The following SLC24A3 variants were observed in gnomAD, a reference collection of about 807,000 sequenced individuals.
SLC24A3 encodes sodium/potassium/calcium exchanger 3.
A neutral mutation model predicts 75.8 loss-of-function variants in SLC24A3; 28 were observed. The observed-to-expected ratio is 0.37, with a 90% CI of 0.27 to 0.51. SLC24A3 has a LOEUF of 0.51. Ranked by LOEUF, SLC24A3 falls within the 20% of genes least tolerant of loss-of-function variation. The pLI is 0.94. For synonymous variants in SLC24A3, 372 were observed against 334.1 expected (o/e 1.11, Z -1.24); for missense variants, 663 against 847.8 (o/e 0.78, Z 2.71).
chr20:19,706,571 C>T (rs941489266), intron 15 of SLC24A3, among the ~76,000 whole-genome samples: 1 of 151,954 alleles, frequency 6.6e-6, no homozygotes, highest in Admixed American at 6.6e-5. Context: ...CTGAAGCACC[C>T]AAGGGCTGCT....
chr20:19,563,389 G>T (rs1159579433), intron 3 of SLC24A3, among the ~76,000 whole-genome samples: 4 of 152,110 alleles, frequency 2.6e-5, no homozygotes, highest in South Asian at 2.1e-4. Flanking sequence ...AAACTTGAAA[G>T]AAAATAACAA....
chr20:19,289,116 T>G (rs1983880543), intron 2 of SLC24A3, among the ~76,000 whole-genome samples: 1 of 152,128 alleles, frequency 6.6e-6, no homozygotes, highest in South Asian at 2.1e-4. Context: ...GTGGTGCCTG[T>G]GCCATATTGC....
intron 2 of SLC24A3, among the ~76,000 whole-genome samples, chr20:19,406,670 G>A (rs1243718640): frequency 1.3e-5 from 2 of 152,140 alleles, no homozygotes; most frequent in Non-Finnish European, 1.5e-5. Context: ...CAGACTGAAA[G>A]GTAGCACAGA....
At chr20:19,472,019 T>C (rs1987882282) in intron 2 of SLC24A3, among the ~76,000 whole-genome samples, 1 of 152,242 alleles carries the variant, frequency 6.6e-6, no homozygotes, top group South Asian at 2.1e-4. Flanking sequence ...AATTATTCAA[T>C]TTTTGCAAAT....
intron 1 of SLC24A3, among the ~76,000 whole-genome samples, chr20:19,267,215 G>T (rs187662958): frequency 6.6e-6 from 1 of 152,074 alleles, no homozygotes; most frequent in Admixed American, 6.6e-5. Context: ...TCCATACTTT[G>T]AGATACAGCT....
At chr20:19,273,158 G>A (rs1212775961) in intron 1 of SLC24A3, among the ~76,000 whole-genome samples, 3 of 152,192 alleles carry the variant, frequency 2.0e-5, no homozygotes, top group African/African-American at 7.2e-5. Context: ...GGCCACCCTT[G>A]CCAGGGGCTC....
rs201968114 is a variant in SLC24A3, at chr20:19,522,596, C to T, written c.348+7032C>T. 1.9e-4 allele frequency among the ~76,000 whole-genome samples: 29 copies of T among 152,334 alleles called. No homozygotes were observed. In the East Asian group the frequency reaches 2.5e-3, roughly 13 times the overall value. ...TCTTCACCGTCTCTTCCCCCGCAAACGCCACCAAAGGCAGCTCAGCTGTGC... is the reference window on the plus strand; with the variant it reads ...TCTTCACCGTCTCTTCCCCCGCAAATGCCACCAAAGGCAGCTCAGCTGTGC... On this transcript the variant is annotated intron_variant, in intron 3 of 16. Transcript: ENST00000328041.
intron 2 of SLC24A3, among the ~76,000 whole-genome samples, chr20:19,338,072 G>A (rs993292013): frequency 1.3e-5 from 2 of 151,960 alleles, no homozygotes; most frequent in Non-Finnish European, 2.9e-5. Flanking sequence ...GGAGAACTGG[G>A]AAGAAAAAAA....
At chr20:19,385,406 C>T (rs1161511625) in intron 2 of SLC24A3, among the ~76,000 whole-genome samples, 3 of 152,194 alleles carry the variant, frequency 2.0e-5, no homozygotes, top group Non-Finnish European at 2.9e-5. Context: ...GTTCTTTCCC[C>T]GTTGTGTGTT....
At chr20:19,403,088 G>C (rs1196841345) in intron 2 of SLC24A3, among the ~76,000 whole-genome samples, 2 of 152,194 alleles carry the variant, frequency 1.3e-5, no homozygotes, top group African/African-American at 4.8e-5. Flanking sequence ...ATGTCGTGAA[G>C]GAGCCACTGG....
chr20:19,530,466 T>C (rs1600268249), intron 3 of SLC24A3, among the ~76,000 whole-genome samples: 1 of 152,286 alleles, frequency 6.6e-6, no homozygotes, highest in Non-Finnish European at 1.5e-5. Context: ...TTGATTTCCA[T>C]GACAGCTCAA....
chr20:19,524,114 G>T (rs769134996), intron 3 of SLC24A3, among the ~76,000 whole-genome samples: 1 of 152,040 alleles, frequency 6.6e-6, no homozygotes, highest in East Asian at 1.9e-4. Flanking sequence ...ATAAGCCCTC[G>T]CTGTCTGCCC....
chr20:19,382,851 C>T (rs1372183433), intron 2 of SLC24A3, among the ~76,000 whole-genome samples: 1 of 152,070 alleles, frequency 6.6e-6, no homozygotes, highest in Non-Finnish European at 1.5e-5. Context: ...GCAGTGTGCT[C>T]CGATATATTC....
intron 2 of SLC24A3, among the ~76,000 whole-genome samples, chr20:19,510,059 C>T (rs1232775761): frequency 2.0e-5 from 3 of 152,204 alleles, no homozygotes; most frequent in Admixed American, 6.5e-5. Context: ...GTATATAGCA[C>T]GCACGTAGGA....
At chr20:19,570,087 C>T (rs1034755621) in intron 3 of SLC24A3, among the ~76,000 whole-genome samples, 1 of 152,162 alleles carries the variant, frequency 6.6e-6, no homozygotes, top group African/African-American at 2.4e-5. Flanking sequence ...GTTTAATTGG[C>T]TCACAGTTCT....
chr20:19,339,076 C>T (rs890876795), intron 2 of SLC24A3, among the ~76,000 whole-genome samples: 1 of 152,132 alleles, frequency 6.6e-6, no homozygotes, highest in African/African-American at 2.4e-5. Context: ...GAGCTGTGAA[C>T]TTGCTGAGTC....
chr20:19,439,070 G>A (rs1987256286), intron 2 of SLC24A3, among the ~76,000 whole-genome samples: 1 of 152,194 alleles, frequency 6.6e-6, no homozygotes, highest in Admixed American at 6.5e-5. Flanking sequence ...TTGCCTCCAG[G>A]TTGGCACCCC....
At chr20:19,263,131 A>G (rs1188921717) in intron 1 of SLC24A3, among the ~76,000 whole-genome samples, 1 of 151,830 alleles carries the variant, frequency 6.6e-6, no homozygotes, top group Non-Finnish European at 1.5e-5. Flanking sequence ...ACAATGGAAA[A>G]GGATTTTCTT....
chr20:19,354,588 A>ATGTGTGTGTGTG (rs569362767), intron 2 of SLC24A3, among the ~76,000 whole-genome samples: 2 of 136,296 alleles, frequency 1.5e-5, no homozygotes, highest in Non-Finnish European at 3.0e-5. Context: ...AAATTTGTGT[A>ATGTGTGTGTGTG]TGTGTGTGTG....
Sources: allele counts gnomAD v4.1 joint callset (sites outside exome capture counted in the v4.1 genomes callset), GRCh38; gene constraint gnomAD v4.1.1; transcripts MANE v1.5; gene names NCBI Gene and HGNC (gene_info 2026-07-23, HGNC 2026-07-21).